CSMD3: variants seen among roughly 807,000 people sequenced by gnomAD.
CSMD3 encodes the protein CUB and sushi domain-containing protein 3.
In CSMD3, 177 loss-of-function variants were observed where a neutral mutation model predicts 435.2. The ratio of observed to expected loss-of-function variants is 0.41; its 90% CI spans 0.36 to 0.46. The LOEUF is 0.46. Among genes scored for constraint, CSMD3 ranks in the 20% least tolerant of loss-of-function variants. The probability of loss-of-function intolerance (pLI) is 0.34; values close to 1 mark genes in which losing one functional copy is unlikely to be tolerated. For synonymous variants in CSMD3, 1,656 were observed against 1,520.5 expected, an observed-to-expected ratio of 1.09 and a Z score of -2.07; for missense variants, 4,265 against 4,504.6, an observed-to-expected ratio of 0.95 and a Z score of 1.52.
chr8:112,935,746 A>C (rs1479785510), intron 9 of CSMD3, among the ~76,000 whole-genome samples: 1 of 151,952 alleles, frequency 6.6e-6, no homozygotes, highest in Non-Finnish European at 1.5e-5. Flanking sequence ...TTTAAGTATC[A>C]ATTTATTCTA....
intron 3 of CSMD3, among the ~76,000 whole-genome samples, chr8:113,252,470 C>A (rs1008688164): frequency 2.6e-5 from 4 of 151,426 alleles, no homozygotes; most frequent in African/African-American, 9.7e-5. Flanking sequence ...TTTTTTTTAC[C>A]GTTTTCTTCA....
At chr8:112,386,699 A>T (rs540208649) in intron 36 of CSMD3, among the ~76,000 whole-genome samples, 3 of 151,662 alleles carry the variant, frequency 2.0e-5, no homozygotes, top group Non-Finnish European at 2.9e-5. Context: ...GGGTTTCACT[A>T]TGTTAGCCAG....
chr8:112,429,928 T>C (rs1813482297), intron 32 of CSMD3, among the ~76,000 whole-genome samples: 1 of 152,000 alleles, frequency 6.6e-6, no homozygotes. Context: ...TCCTGTGGAC[T>C]TTATAATGAT....
chr8:113,102,889 T>C (rs2090370598), intron 4 of CSMD3, among the ~76,000 whole-genome samples: 1 of 152,070 alleles, frequency 6.6e-6, no homozygotes, highest in Non-Finnish European at 1.5e-5. Flanking sequence ...GGATGTGACA[T>C]AATTGGATTT....
At chr8:112,460,638 T>C (rs933835556) in intron 32 of CSMD3, among the ~76,000 whole-genome samples, 2 of 152,106 alleles carry the variant, frequency 1.3e-5, no homozygotes, top group African/African-American at 4.8e-5. Flanking sequence ...TGAATTTTAA[T>C]GGGCAAACTC....
chr8:113,414,715 C>T (rs2094574513), intron 1 of CSMD3, among the ~76,000 whole-genome samples: 1 of 143,190 alleles, frequency 7.0e-6, no homozygotes, highest in African/African-American at 2.6e-5. Flanking sequence ...AATCCCAGAA[C>T]TTTGGGAGAC....
chr8:112,715,100 C>CA (rs1300132878), intron 13 of CSMD3, among the ~76,000 whole-genome samples: 3 of 151,644 alleles, frequency 2.0e-5, no homozygotes, highest in Admixed American at 6.6e-5. Context: ...GATAGAGGCA[C>CA]AAAAAACCCT....
At chr8:112,924,360 A>G (rs1382795139) in intron 9 of CSMD3, among the ~76,000 whole-genome samples, 1 of 152,120 alleles carries the variant, frequency 6.6e-6, no homozygotes, top group Non-Finnish European at 1.5e-5. Flanking sequence ...TAGGGGATGG[A>G]GAAAGAAGGC....
At chr8:112,317,582 G>T (rs571079196) in intron 47 of CSMD3, among the ~76,000 whole-genome samples, 1 of 152,000 alleles carries the variant, frequency 6.6e-6, no homozygotes, top group Non-Finnish European at 1.5e-5. Flanking sequence ...GAAGGAAAAA[G>T]CTGAATGAAT....
chr8:112,516,211 A>T (rs547886757), intron 28 of CSMD3, among the ~76,000 whole-genome samples: 1 of 152,244 alleles, frequency 6.6e-6, no homozygotes, highest in East Asian at 1.9e-4. Context: ...ACAATGATGA[A>T]CAAGTTATGG....
At chr8:113,152,912 AG>A (rs2091842170) in intron 4 of CSMD3, among the ~76,000 whole-genome samples, 1 of 151,790 alleles carries the variant, frequency 6.6e-6, no homozygotes, top group Admixed American at 6.6e-5. Context: ...CAGAGGTTGC[AG>A]TGAGCCGTGA....
chr8:112,391,387 C>T (rs1262838410), intron 35 of CSMD3, among the ~76,000 whole-genome samples: 1 of 152,040 alleles, frequency 6.6e-6, no homozygotes, highest in Admixed American at 6.6e-5. Flanking sequence ...GATTGTCTTG[C>T]CCAAGATCAC....
At chr8:113,302,282 A>AT (rs2093777028) in intron 2 of CSMD3, among the ~76,000 whole-genome samples, 1 of 10,384 alleles carries the variant, frequency 9.6e-5, no homozygotes, top group East Asian at 0.012. Context: ...ATATAATTAT[A>AT]ATATATAATA....
intron 12 of CSMD3, among the ~76,000 whole-genome samples, chr8:112,815,150 G>A (rs1191618170): frequency 6.6e-6 from 1 of 151,914 alleles, no homozygotes; most frequent in Non-Finnish European, 1.5e-5. Flanking sequence ...TTCAGAATGT[G>A]GGCCAATGCA....
intron 5 of CSMD3, among the ~76,000 whole-genome samples, chr8:113,078,971 A>G (rs1431847914): frequency 6.6e-6 from 1 of 152,210 alleles, no homozygotes; most frequent in Non-Finnish European, 1.5e-5. Flanking sequence ...ATTCAAGATT[A>G]TTGAAGCAAC....
At chr8:112,904,052 C>T (rs1412286804) in intron 10 of CSMD3, among the ~76,000 whole-genome samples, 1 of 151,216 alleles carries the variant, frequency 6.6e-6, no homozygotes, top group Non-Finnish European at 1.5e-5. Context: ...AATAGGGGTC[C>T]ATAATTTTAA....
chr8:112,617,505 A>C (rs1243086775), intron 22 of CSMD3, among the ~76,000 whole-genome samples: 1 of 152,206 alleles, frequency 6.6e-6, no homozygotes, highest in Non-Finnish European at 1.5e-5. Context: ...TTAGTAAAGT[A>C]CATGGCAGTT....
At chr8:113,177,753 C>T (rs1451988973) in intron 3 of CSMD3, among the ~76,000 whole-genome samples, 2 of 151,858 alleles carry the variant, frequency 1.3e-5, no homozygotes, top group African/African-American at 4.8e-5. Flanking sequence ...ATTATTTAGT[C>T]TAATTAAAAT....
At chr8:113,262,996 A>T (rs1010617207) in intron 3 of CSMD3, among the ~76,000 whole-genome samples, 2 of 152,016 alleles carry the variant, frequency 1.3e-5, no homozygotes, top group African/African-American at 4.8e-5. Flanking sequence ...ATACATGAGA[A>T]TGATCATTTT....
Sources: allele counts gnomAD v4.1 joint callset (sites outside exome capture counted in the v4.1 genomes callset), GRCh38; gene constraint gnomAD v4.1.1; transcripts MANE v1.5; gene names NCBI Gene and HGNC (gene_info 2026-07-23, HGNC 2026-07-21).